The following DNAL4 variants were observed in gnomAD, a reference collection of about 807,000 sequenced individuals.
The protein encoded by DNAL4 is dynein axonemal light chain 4, also known as dynein light chain, outer arm 4.
In DNAL4, 10 loss-of-function variants were observed where a neutral mutation model predicts 12.6. The ratio of observed to expected loss-of-function variants is 0.79; its 90% CI spans 0.49 to 1.34. The LOEUF (loss-of-function observed/expected upper bound fraction) is 1.34, where lower values mean the gene tolerates loss of function less well. Among genes scored for constraint, DNAL4 ranks in the 40% most tolerant of loss-of-function variants. The pLI, the probability that DNAL4 is intolerant of heterozygous loss-of-function variation, is 0.00. For synonymous variants in DNAL4, 46 were observed against 53.1 expected (o/e 0.87, Z 0.58); for missense variants, 128 against 138.1 (o/e 0.93, Z 0.37).
chr22:38,788,139 T>C (rs1399124512), intron 1 of DNAL4, among the ~76,000 whole-genome samples: 2 of 151,916 alleles, frequency 1.3e-5, no homozygotes, highest in Non-Finnish European at 1.5e-5. Flanking sequence ...AGCGAACAAA[T>C]GAAGAACAAA....
intron 1 of DNAL4, among the ~76,000 whole-genome samples, chr22:38,791,689 G>A (rs989835236): frequency 6.7e-6 from 1 of 149,938 alleles, no homozygotes; most frequent in Non-Finnish European, 1.5e-5. Context: ...ACTGCGCCCA[G>A]CCTATTTATT....
intron 1 of DNAL4, among the ~76,000 whole-genome samples, chr22:38,783,121 C>A: frequency 6.6e-6 from 1 of 152,208 alleles, no homozygotes; most frequent in Non-Finnish European, 1.5e-5. Flanking sequence ...GTGGGCCAGG[C>A]CTGCAGGATG....
intron 1 of DNAL4, among the ~76,000 whole-genome samples, chr22:38,784,232 C>T (rs986657912): frequency 3.3e-5 from 5 of 152,172 alleles, no homozygotes; most frequent in African/African-American, 4.8e-5. Context: ...ACCTTGTCAT[C>T]GCAACAACCC....
chr22:38,783,383 T>G (rs112604704), intron 1 of DNAL4, among the ~76,000 whole-genome samples: 21 of 115,478 alleles, frequency 1.8e-4, no homozygotes, highest in Non-Finnish European at 3.7e-4. Flanking sequence ...TCCCACTGCA[T>G]ACACGGGCCT....
intron 1 of DNAL4, among the ~76,000 whole-genome samples, chr22:38,793,732 G>C (rs2093054421): frequency 6.6e-6 from 1 of 152,182 alleles, no homozygotes; most frequent in African/African-American, 2.4e-5. Flanking sequence ...CCGCGGGAGA[G>C]GGAATTACTC....
Position 38,779,391 on chromosome 22 carries a change from C to G in DNAL4, c.*58G>C. The G allele has an allele frequency of 1.3e-6, 2 of 1,522,890 alleles. No homozygotes were observed. Among genetic ancestry groups the G allele is most frequent in the Non-Finnish European group, 1.8e-6 (2 of 1,130,214 alleles). 94.3% of individuals were successfully genotyped at this position (1,522,890 alleles called of 1,614,324 possible). ...ACCAGGACCTGCCTAGGGCTGCTCCCCACCCCAGATGAGTGGCAGGAAAAG... is the reference window on the plus strand; with the variant it reads ...ACCAGGACCTGCCTAGGGCTGCTCCGCACCCCAGATGAGTGGCAGGAAAAG... On this transcript the variant is annotated 3_prime_UTR_variant, in exon 4 of 4. Transcript: ENST00000216068. This position sits in a 1 kb window ranked among gnomAD's most constrained non-coding sequence, Gnocchi z 4.3.
chr22:38,780,264 T>C (rs1345879662), intron 3 of DNAL4, among the ~76,000 whole-genome samples: 2 of 152,114 alleles, frequency 1.3e-5, no homozygotes, highest in Non-Finnish European at 2.9e-5. Flanking sequence ...TCTCAGTAAA[T>C]ACATCCTCAC....
At chr22:38,784,912 C>T (rs1291832322) in intron 1 of DNAL4, among the ~76,000 whole-genome samples, 3 of 152,054 alleles carry the variant, frequency 2.0e-5, no homozygotes, top group African/African-American at 7.2e-5. Context: ...GATCCCCGCT[C>T]CAATGACTCG....
chr22:38,784,213 C>T (rs1373064578), intron 1 of DNAL4, among the ~76,000 whole-genome samples: 1 of 152,204 alleles, frequency 6.6e-6, no homozygotes, highest in Non-Finnish European at 1.5e-5. Flanking sequence ...GTTTCACATG[C>T]ATTTACACAC....
intron 2 of DNAL4, among the ~76,000 whole-genome samples, chr22:38,781,541 G>A (rs1319878155): frequency 6.6e-6 from 1 of 152,060 alleles, no homozygotes; most frequent in Non-Finnish European, 1.5e-5. Context: ...TCCTCTCTGT[G>A]GGAGGGCTCC....
rs150089789 is a variant in DNAL4 at position 38,792,905 on chromosome 22, A to G, written c.-140+1163T>C. ...GTAAACACATAAACAAGTAACAGTC[A>G]TTTATTACCATTATCAAGTATGATG... On this transcript the variant is annotated intron_variant, in intron 1 of 3. Transcript: ENST00000216068. Among the ~76,000 whole-genome samples, 400 of 152,354 alleles carry G rather than the reference A, an allele frequency of 2.6e-3. 2 individuals are homozygous for G. The highest frequency in any genetic ancestry group is 8.6e-3 in the African/African-American group (359 of 41,586).
At chr22:38,784,291 G>A (rs1603239611) in intron 1 of DNAL4, among the ~76,000 whole-genome samples, 1 of 152,108 alleles carries the variant, frequency 6.6e-6, no homozygotes, top group Non-Finnish European at 1.5e-5. Flanking sequence ...GTCAGTCGCT[G>A]GCCTGAGGTC....
chr22:38,791,951 T>C (rs5757285), intron 1 of DNAL4, among the ~76,000 whole-genome samples: 126,705 of 151,276 alleles, frequency 0.84, 53,171 homozygotes, highest in East Asian at 0.89. Context: ...GTGATCCCTC[T>C]GCCTTGGCCT....
Position 38,779,280 on chromosome 22 carries a change from G to A in DNAL4, c.*169C>T. The A allele has an allele frequency of 1.2e-6, 1 of 851,676 alleles. No individual in the cohort carries two copies. Among genetic ancestry groups the A allele is most frequent in the South Asian group, 2.1e-5 (1 of 47,106 alleles). The allele number at this position is 851,676 out of a possible 1,614,324, so 52.8% of individuals were successfully genotyped here. Reference sequence around the variant, plus strand: ...GGGAGACGGTTGAGAGCCTGGGGATGGAGATGTCAAGTTCACACACTGGGC... The same window carrying A: ...GGGAGACGGTTGAGAGCCTGGGGATAGAGATGTCAAGTTCACACACTGGGC... On this transcript the variant is annotated 3_prime_UTR_variant, in exon 4 of 4. Coordinates refer to ENST00000216068, the MANE Select transcript of DNAL4 (RefSeq NM_005740.3). This position sits in a 1 kb window ranked among gnomAD's most constrained non-coding sequence, Gnocchi z 4.3.
intron 1 of DNAL4, chr22:38,785,943 T>C (rs1569318231): frequency 6.6e-6 from 1 of 152,222 alleles, no homozygotes; most frequent in South Asian, 2.1e-4. Flanking sequence ...CCAAGTTTAC[T>C]AAGGGCCCTG....
intron 1 of DNAL4, among the ~76,000 whole-genome samples, chr22:38,793,776 A>G (rs1334644198): frequency 3.3e-5 from 5 of 151,862 alleles, no homozygotes; most frequent in Non-Finnish European, 4.4e-5. Context: ...TGCTGGGGGA[A>G]GTCGGCTAAA....
chr22:38,790,686 C>T (rs866773255), intron 1 of DNAL4, among the ~76,000 whole-genome samples: 1 of 152,106 alleles, frequency 6.6e-6, no homozygotes, highest in Non-Finnish European at 1.5e-5. Flanking sequence ...TTCTGAGAAT[C>T]GTTAGGCGAT....
chr22:38,790,176 G>C (rs1210205732), intron 1 of DNAL4, among the ~76,000 whole-genome samples: 1 of 152,128 alleles, frequency 6.6e-6, no homozygotes, highest in Admixed American at 6.6e-5. Context: ...CTTTTTCATA[G>C]TGAATGGGAA....
At chr22:38,784,414 A>G (rs2093039040) in intron 1 of DNAL4, among the ~76,000 whole-genome samples, 1 of 151,996 alleles carries the variant, frequency 6.6e-6, no homozygotes, top group African/African-American at 2.4e-5. Flanking sequence ...AGGCACTCAC[A>G]AGCATACATC....
Sources: gnomAD v4.1 joint callset for allele counts (sites outside exome capture counted in the v4.1 genomes callset) on GRCh38, gnomAD v4.1.1 for gene constraint, Gnocchi (gnomAD v3.1) non-coding constraint, MANE v1.5 for transcripts, NCBI Gene and HGNC (gene_info 2026-07-23, HGNC 2026-07-21) for gene names.